Variants in HSF2BP observed in about 807,000 individuals in gnomAD.
HSF2BP encodes the protein heat shock transcription factor 2 binding protein.
HSF2BP carries 35 observed loss-of-function variants against 35.0 expected under a neutral mutation model. That is an observed-to-expected ratio of 1.00 (90% CI 0.76 to 1.32). The LOEUF is 1.32. Ranked by LOEUF, HSF2BP falls within the 40% of genes most tolerant of loss-of-function variation. HSF2BP has a pLI of 0.00. For synonymous variants in HSF2BP, 114 were observed against 117.4 expected, an observed-to-expected ratio of 0.97 and a Z score of 0.18; for missense variants, 326 against 321.7, an observed-to-expected ratio of 1.01 and a Z score of -0.10.
chr21:43,596,904 A>AAGAGAG (rs10628182), intron 7 of HSF2BP, among the ~76,000 whole-genome samples: 31 of 136,032 alleles, frequency 2.3e-4, no homozygotes, highest in African/African-American at 8.3e-4. Flanking sequence ...AAAAAAAAAA[A>AAGAGAG]AGAGAATTTT....
intron 3 of HSF2BP, among the ~76,000 whole-genome samples, chr21:43,647,298 C>T (rs983341901): frequency 6.6e-6 from 1 of 152,108 alleles, no homozygotes; most frequent in African/African-American, 2.4e-5. Flanking sequence ...ACGATCTCAG[C>T]TCACTGCAAC....
chr21:43,585,444 CT>C (rs1268523601), intron 8 of HSF2BP, among the ~76,000 whole-genome samples: 1 of 152,032 alleles, frequency 6.6e-6, no homozygotes, highest in Non-Finnish European at 1.5e-5. Flanking sequence ...ATAGGGAGAC[CT>C]ATAGGAAGCT....
At chr21:43,602,727 G>C (rs967358453) in intron 7 of HSF2BP, among the ~76,000 whole-genome samples, 2 of 152,170 alleles carry the variant, frequency 1.3e-5, no homozygotes, top group African/African-American at 4.8e-5. Context: ...GAAATGCACT[G>C]TGTCAGTTAC....
intron 8 of HSF2BP, among the ~76,000 whole-genome samples, chr21:43,586,431 A>G (rs1028823156): frequency 3.9e-5 from 6 of 152,162 alleles, no homozygotes; most frequent in Non-Finnish European, 7.3e-5. Flanking sequence ...AAAGAAAATG[A>G]GTTTTCATTG....
chr21:43,621,190 A>G (rs1055228434), intron 6 of HSF2BP, among the ~76,000 whole-genome samples: 1 of 152,362 alleles, frequency 6.6e-6, no homozygotes, highest in Middle Eastern at 3.4e-3. Context: ...AACAAGTAAC[A>G]AAGGAACTCC....
intron 3 of HSF2BP, among the ~76,000 whole-genome samples, chr21:43,645,306 A>G (rs939408299): frequency 1.3e-5 from 2 of 152,154 alleles, no homozygotes; most frequent in African/African-American, 4.8e-5. Context: ...ACAGTTTCCA[A>G]TTTGGAACGT....
rs1363943504 is a variant in HSF2BP at position 43,658,061 on chromosome 21, C to G, written c.36G>C (p.Arg12=). The G allele has an allele frequency of 6.5e-7, 1 of 1,535,830 alleles. No homozygotes were observed. The highest frequency in any genetic ancestry group is 1.2e-5 in the South Asian group (1 of 83,892). ...GEAGAAEEAC[R]HMGTKEEFVK... ...CGTCGGCCAGGGCTTCCTCACTAAC[C>G]CGGCAGGCCTCCTCAGCGGCGCCCG... Residue 12 remains arginine, a splice_region_variant and synonymous_variant, in exon 2 of 9, where the codon CGG becomes CGC. Transcript: ENST00000291560.
At chr21:43,637,854 AG>A (rs1568933865) in intron 4 of HSF2BP, among the ~76,000 whole-genome samples, 1 of 151,970 alleles carries the variant, frequency 6.6e-6, no homozygotes, top group Non-Finnish European at 1.5e-5. Flanking sequence ...CTAGGAATAG[AG>A]GGGAACCTTC....
chr21:43,594,916 A>G (rs1334714957), intron 7 of HSF2BP, among the ~76,000 whole-genome samples: 2 of 152,244 alleles, frequency 1.3e-5, no homozygotes, highest in Non-Finnish European at 2.9e-5. Flanking sequence ...ATTAAAGGAA[A>G]AACAAAATGC....
chr21:43,649,620 C>A (rs1253674575), intron 3 of HSF2BP, among the ~76,000 whole-genome samples: 1 of 152,052 alleles, frequency 6.6e-6, no homozygotes, highest in Non-Finnish European at 1.5e-5. Flanking sequence ...AGAAATGAGG[C>A]CAACATTTTA....
At chr21:43,458,166 C>T in the HSF2BP span, among the ~76,000 whole-genome samples, 1 of 88,666 alleles carries the variant, frequency 1.1e-5, no homozygotes, top group Non-Finnish European at 2.3e-5. Flanking sequence ...CAGCCATCCA[C>T]GCTCAGGGAG....
At chr21:43,620,528 T>C (rs991427950) in intron 6 of HSF2BP, among the ~76,000 whole-genome samples, 2 of 152,168 alleles carry the variant, frequency 1.3e-5, no homozygotes, top group Non-Finnish European at 2.9e-5. Flanking sequence ...ACCCCATCTC[T>C]ACAAAAAACA....
At chr21:43,583,630 A>AG (rs1207345348) in intron 8 of HSF2BP, among the ~76,000 whole-genome samples, 2 of 129,278 alleles carry the variant, frequency 1.5e-5, no homozygotes, top group African/African-American at 3.0e-5. Context: ...AGGGAGATGA[A>AG]GACCTGCTGA....
chr21:43,633,209 A>C (rs2147022879), intron 5 of HSF2BP, 63 bp downstream of exon 5: 1 of 1,533,578 alleles, frequency 6.5e-7, no homozygotes, highest in Non-Finnish European at 8.8e-7. Context: ...TTAATAAGCT[A>C]TATGCTCTAA....
intron 7 of HSF2BP, among the ~76,000 whole-genome samples, chr21:43,609,146 G>A (rs1207849299): frequency 6.6e-6 from 1 of 152,218 alleles, no homozygotes; most frequent in Non-Finnish European, 1.5e-5. Context: ...GCTGGAGGCT[G>A]CCTCCACTTA....
chr21:43,586,356 C>T (rs2081851244), intron 8 of HSF2BP, among the ~76,000 whole-genome samples: 2 of 152,142 alleles, frequency 1.3e-5, no homozygotes, highest in African/African-American at 4.8e-5. Context: ...CAACTGGTCT[C>T]GTACTCTGAA....
intron 3 of HSF2BP, among the ~76,000 whole-genome samples, chr21:43,650,993 C>T (rs2082777910): frequency 6.6e-6 from 1 of 152,118 alleles, no homozygotes; most frequent in African/African-American, 2.4e-5. Flanking sequence ...CAGGCGTGAG[C>T]CACCGCACCC....
chr21:43,612,464 A>G (rs1304255633), intron 7 of HSF2BP, among the ~76,000 whole-genome samples: 1 of 152,140 alleles, frequency 6.6e-6, no homozygotes, highest in Non-Finnish European at 1.5e-5. Context: ...ATCCTGGCTA[A>G]CACGGTGAAA....
At chr21:43,592,536 T>C (rs1208506214) in intron 7 of HSF2BP, among the ~76,000 whole-genome samples, 2 of 152,196 alleles carry the variant, frequency 1.3e-5, no homozygotes, top group African/African-American at 4.8e-5. Flanking sequence ...TAATACCGCC[T>C]TTCATAGCCT....
Sources: allele counts gnomAD v4.1 joint callset (sites outside exome capture counted in the v4.1 genomes callset), GRCh38; gene constraint gnomAD v4.1.1; transcripts MANE v1.5; gene names NCBI Gene and HGNC (gene_info 2026-07-23, HGNC 2026-07-21).